The following TRIM37 variants were observed in gnomAD, a reference collection of about 807,000 sequenced individuals.
TRIM37 encodes tripartite motif containing 37.
A neutral mutation model predicts 129.8 loss-of-function variants in TRIM37; 80 were observed. The ratio of observed to expected loss-of-function variants is 0.62; its 90% confidence interval spans 0.51 to 0.74. The LOEUF is 0.74. Among genes scored for constraint, TRIM37 ranks in the 30% least tolerant of loss-of-function variants. The probability of loss-of-function intolerance (pLI) is 0.00; values close to 1 mark genes in which losing one functional copy is unlikely to be tolerated. For missense variants in TRIM37, 1,054 were observed against 1,176.5 expected (o/e 0.90, Z 1.52); for synonymous variants, 389 against 387.1 (o/e 1.00, Z -0.06).
At chr17:59,067,826 G>A (rs1346510226) in intron 9 of TRIM37, among the ~76,000 whole-genome samples, 1 of 144,090 alleles carries the variant, frequency 6.9e-6, no homozygotes, top group South Asian at 2.1e-4. Context: ...ATGAGCCACC[G>A]CGCCCAGCCC....
intron 13 of TRIM37, among the ~76,000 whole-genome samples, chr17:59,052,559 C>T (rs370773027): frequency 4.6e-5 from 7 of 152,110 alleles, no homozygotes; most frequent in African/African-American, 1.4e-4. Context: ...TATAAAACAA[C>T]AGTCCTATTT....
chr17:59,066,578 T>TA lies in TRIM37; in HGVS notation c.810-2174dup, dbSNP rs1358646255. On this transcript the variant is annotated intron_variant, in intron 9 of 23. Coordinates refer to ENST00000262294, the MANE Select transcript of TRIM37 (RefSeq NM_015294.6). ...TTCCAGGCTAAAGAGCATAGGTTAC[T>TA]AACACTCATGAACCAAGAGAGTACA... is the stretch of plus-strand genomic sequence containing the variant. Among the ~76,000 whole-genome samples, 5 of 152,328 alleles carry TA rather than the reference T, an allele frequency of 3.3e-5. No individual in the cohort carries two copies. The East Asian group carries it at 5.8e-4, about 18-fold the overall frequency.
At chr17:59,030,000 T>A (rs564847670) in intron 18 of TRIM37, among the ~76,000 whole-genome samples, 61 of 150,076 alleles carry the variant, frequency 4.1e-4, no homozygotes, top group African/African-American at 1.4e-3. Context: ...TCATCAGGAT[T>A]ATGTTCCTGG....
At chr17:59,037,544 C>A (rs548417430) in intron 17 of TRIM37, among the ~76,000 whole-genome samples, 22 of 104,680 alleles carry the variant, frequency 2.1e-4, no homozygotes, top group Admixed American at 7.0e-4. Flanking sequence ...GGCAACAGAG[C>A]AAGACTCTGT....
the TRIM37 span, among the ~76,000 whole-genome samples, chr17:58,974,394 T>G: frequency 1.3e-5 from 2 of 152,116 alleles, no homozygotes; most frequent in African/African-American, 4.8e-5. Flanking sequence ...GAACCCTATA[T>G]CCCTGGGACT....
chr17:59,055,332 CAAAAAAAAAAAAAAA>C (rs34519741), intron 13 of TRIM37, among the ~76,000 whole-genome samples: 5 of 65,658 alleles, frequency 7.6e-5, no homozygotes, highest in Non-Finnish European at 1.1e-4. Context: ...AACTCTGTCT[CAAAAAAAAAAAAAAA>C]AAAAAAAAAA....
chr17:59,040,544 C>T (rs544792402), intron 17 of TRIM37, among the ~76,000 whole-genome samples: 1 of 152,050 alleles, frequency 6.6e-6, no homozygotes, highest in Admixed American at 6.6e-5. Flanking sequence ...TGCTGAATCA[C>T]ACACCAAGAC....
At chr17:59,051,761 C>T (rs1294047771) in intron 13 of TRIM37, among the ~76,000 whole-genome samples, 3 of 151,138 alleles carry the variant, frequency 2.0e-5, no homozygotes, top group African/African-American at 4.9e-5. Context: ...GACGGAGTCT[C>T]GCTCTGTCGC....
intron 13 of TRIM37, among the ~76,000 whole-genome samples, chr17:59,055,909 T>C (rs920951740): frequency 7.2e-5 from 11 of 152,106 alleles, no homozygotes; most frequent in Non-Finnish European, 1.5e-4. Flanking sequence ...CCTACACATG[T>C]ACCCCTGAAC....
At chr17:59,012,239 C>CCAT (rs1567968042) in intron 22 of TRIM37, 89 bp downstream of exon 22, 2 of 531,862 alleles carry the variant, frequency 3.8e-6, no homozygotes, top group Non-Finnish European at 6.2e-6. Flanking sequence ...ACCACCACCA[C>CCAT]CACCACCACC....
chr17:58,980,953 C>T (rs1417894803), downstream of TRIM37: 1 of 1,614,144 alleles, frequency 6.2e-7, no homozygotes, highest in South Asian at 1.1e-5. The surrounding 1 kb of genome is among the most constrained non-coding windows in gnomAD (Gnocchi z 4.7). Context: ...GGAAAGGGTA[C>T]AGTGAAAACA....
chr17:59,106,243 T>C (rs1298558527), intron 1 of TRIM37, among the ~76,000 whole-genome samples, 198 bp downstream of exon 1: 1 of 152,158 alleles, frequency 6.6e-6, no homozygotes, highest in East Asian at 1.9e-4. Flanking sequence ...ACCACCTGAC[T>C]GCGGAACAGT....
Position 59,064,387 on chromosome 17 carries a change from G to GT in TRIM37, c.827dup (p.Tyr276Ter). The change falls in exon 10 of 24, where the codon TAC (tyrosine) becomes TAAC (stop). Residue 276 changes from tyrosine (Y) to a stop codon, truncating the protein, a stop_gained and frameshift_variant. Transcript: ENST00000262294. LOFTEE classifies it high-confidence loss of function. The part of the protein sequence containing the change: ...PDFTSELVPS[Y>*]DSATFVLENF... ...TCTCTAAAACAAAAGTAGCTGAATC[G>GT]TAAGATGGCACTAATTCACTAAAAA... 6.3e-7 allele frequency: 1 copy of GT among 1,595,946 alleles called. No homozygotes were observed. The highest frequency in any genetic ancestry group is 8.5e-7 in the Non-Finnish European group (1 of 1,170,620).
chr17:59,045,238 A>T (rs1348235964), intron 16 of TRIM37, among the ~76,000 whole-genome samples: 1 of 152,024 alleles, frequency 6.6e-6, no homozygotes, highest in Non-Finnish European at 1.5e-5. Context: ...CTGAGGCAGG[A>T]GAATGGTGTG....
At chr17:59,084,167 A>C in intron 4 of TRIM37, 78 bp from the exon 5 acceptor site, 1 of 1,108,730 alleles carries the variant, frequency 9.0e-7, no homozygotes, top group Non-Finnish European at 1.3e-6. Context: ...AAGCTTGGGC[A>C]AACAGGTCAG....
chr17:59,033,755 A>G (rs1453416391), intron 17 of TRIM37, among the ~76,000 whole-genome samples: 1 of 151,768 alleles, frequency 6.6e-6, no homozygotes, highest in Non-Finnish European at 1.5e-5. Flanking sequence ...AGGAATTCCC[A>G]AATTGGGTTG....
At chr17:58,996,805 TG>T (rs1231146253), downstream of TRIM37, among the ~76,000 whole-genome samples, 2 of 151,312 alleles carry the variant, frequency 1.3e-5, no homozygotes, top group African/African-American at 2.4e-5. Flanking sequence ...TGTGTGTGTG[TG>T]TGTGTGTGTG....
chr17:59,105,162 T>C (rs116274639), intron 1 of TRIM37, among the ~76,000 whole-genome samples: 254 of 151,938 alleles, frequency 1.7e-3, no homozygotes, highest in African/African-American at 5.9e-3. Flanking sequence ...AACTTTTAAC[T>C]TTTTCTGCAA....
intron 15 of TRIM37, 103 bp downstream of exon 15, chr17:59,049,075 A>G (rs2040095274): frequency 1.1e-6 from 1 of 902,602 alleles, no homozygotes; most frequent in African/African-American, 1.6e-5. Flanking sequence ...ATCAATGGAC[A>G]ATATTTTTAG....
Sources: gnomAD v4.1 joint callset for allele counts (sites outside exome capture counted in the v4.1 genomes callset) on GRCh38, gnomAD v4.1.1 for gene constraint, Gnocchi (gnomAD v3.1) non-coding constraint, MANE v1.5 for transcripts, NCBI Gene and HGNC (gene_info 2026-07-23, HGNC 2026-07-21) for gene names.